The following MITF variants were observed in gnomAD, a reference collection of about 807,000 sequenced individuals.
MITF encodes the protein melanocyte inducing transcription factor.
Under a neutral mutation model 60.5 loss-of-function variants are expected in MITF, and 17 were observed. The ratio of observed to expected loss-of-function variants is 0.28; its 90% CI spans 0.19 to 0.42. The LOEUF (loss-of-function observed/expected upper bound fraction) is 0.42. Among genes scored for constraint, MITF ranks in the 10% least tolerant of loss-of-function variants. The probability of loss-of-function intolerance (pLI) is 1.00; values close to 1 mark genes in which losing one functional copy is unlikely to be tolerated. For synonymous variants in MITF, 260 were observed against 248.5 expected (o/e 1.05, Z -0.43); for missense variants, 622 against 683.5 (o/e 0.91, Z 1.00).
chr3:69,963,372 C>A (rs2066598840), intron 9 of MITF, among the ~76,000 whole-genome samples: 1 of 152,258 alleles, frequency 6.6e-6, no homozygotes, highest in South Asian at 2.1e-4. Flanking sequence ...TATCACTACC[C>A]AAATTTTTTA....
At chr3:69,912,502 A>G (rs191357926) in intron 2 of MITF, among the ~76,000 whole-genome samples, 1 of 152,284 alleles carries the variant, frequency 6.6e-6, no homozygotes, top group Admixed American at 6.5e-5. Flanking sequence ...CCATCACTGT[A>G]TTTGCTTGCA....
chr3:69,842,938 C>T (rs1010650679), intron 1 of MITF, among the ~76,000 whole-genome samples: 5 of 152,144 alleles, frequency 3.3e-5, no homozygotes, highest in Non-Finnish European at 7.4e-5. Flanking sequence ...TGGAGAGTTT[C>T]GGTCCTACCT....
At chr3:69,922,198 T>C (rs1013052163) in intron 2 of MITF, among the ~76,000 whole-genome samples, 25 of 152,178 alleles carry the variant, frequency 1.6e-4, no homozygotes, top group Non-Finnish European at 3.5e-4. Flanking sequence ...TACCACACAA[T>C]ATATAGAGAT....
chr3:69,938,547 A>G, intron 3 of MITF: 1 of 1,413,586 alleles, frequency 7.1e-7, no homozygotes. Context: ...ATAGCACATG[A>G]GACTTTAACG....
At chr3:69,954,994 GACT>G (rs1283979369) in intron 7 of MITF, among the ~76,000 whole-genome samples, 1 of 152,104 alleles carries the variant, frequency 6.6e-6, no homozygotes, top group Non-Finnish European at 1.5e-5. Flanking sequence ...TTATTTGTTT[GACT>G]ACATTAATTA....
At chr3:69,885,999 C>G (rs1234117827) in intron 2 of MITF, among the ~76,000 whole-genome samples, 1 of 152,100 alleles carries the variant, frequency 6.6e-6, no homozygotes, top group Non-Finnish European at 1.5e-5. Context: ...GATGCAGGAA[C>G]TGTCACAGAG....
rs755328856 is a variant in MITF at position 69,959,431 on chromosome 3, T to A, written c.1179+11T>A. On this transcript the variant is annotated intron_variant, in intron 9 of 9. Transcript: ENST00000352241. ...TTGCTCAGAATACAGGTACGCAGCC[T>A]GAGTTGTGTAAAGTTTACTGCTTTT... The A allele has an allele frequency of 6.2e-7, 1 of 1,613,778 alleles. No homozygotes were observed. The highest frequency in any genetic ancestry group is 8.5e-7 in the Non-Finnish European group (1 of 1,179,784).
At chr3:69,802,882 A>C (rs1386694908) in intron 1 of MITF, among the ~76,000 whole-genome samples, 1 of 149,096 alleles carries the variant, frequency 6.7e-6, no homozygotes, top group East Asian at 2.0e-4. Context: ...GTAGAGACGG[A>C]GTTTCTCCCC....
At chr3:69,864,216 G>A (rs2064069774) in intron 1 of MITF, among the ~76,000 whole-genome samples, 1 of 152,178 alleles carries the variant, frequency 6.6e-6, no homozygotes, top group Non-Finnish European at 1.5e-5. Flanking sequence ...CAAAGTCATA[G>A]AATTAGTAAG....
At chr3:69,889,893 C>T (rs2064719460) in intron 2 of MITF, among the ~76,000 whole-genome samples, 1 of 152,112 alleles carries the variant, frequency 6.6e-6, no homozygotes, top group Admixed American at 6.6e-5. Flanking sequence ...TCAGCAGCCA[C>T]ACGTGGTCTT....
intron 2 of MITF, among the ~76,000 whole-genome samples, chr3:69,909,793 A>G (rs2065183518): frequency 1.3e-5 from 2 of 152,208 alleles, no homozygotes; most frequent in Non-Finnish European, 2.9e-5. Context: ...TCAAAAGGTG[A>G]CTTTGGGTGC....
intron 2 of MITF, among the ~76,000 whole-genome samples, chr3:69,930,113 C>A (rs9917798): frequency 0.015 from 2,322 of 152,180 alleles, 25 homozygotes; most frequent in Middle Eastern, 0.051. Flanking sequence ...AGTGGATGAA[C>A]ATGCTGAGCT....
At chr3:69,859,556 G>A (rs1052848992) in intron 1 of MITF, among the ~76,000 whole-genome samples, 3 of 152,080 alleles carry the variant, frequency 2.0e-5, no homozygotes, top group Non-Finnish European at 4.4e-5. Context: ...GTTCATCTCA[G>A]CGGCTGTGAG....
At chr3:69,943,220 C>T (rs1009469297) in intron 5 of MITF, among the ~76,000 whole-genome samples, 18 of 151,520 alleles carry the variant, frequency 1.2e-4, no homozygotes, top group African/African-American at 4.1e-4. Flanking sequence ...TCTTGCATCT[C>T]GTTAGTATTC....
intron 5 of MITF, 127 bp downstream of exon 5, chr3:69,941,458 A>G (rs2065967182): frequency 1.5e-6 from 1 of 654,304 alleles, no homozygotes; most frequent in Admixed American, 2.8e-5. Context: ...TAAAATGGAG[A>G]ATTATCTCAG....
rs2066667114 is a variant in MITF at position 69,965,425 on chromosome 3, A to T, written c.*177A>T. The T allele has an allele frequency of 1.6e-6, 1 of 634,310 alleles. No homozygotes were observed. The highest frequency in any genetic ancestry group is 2.7e-6 in the Non-Finnish European group (1 of 376,698). The allele number at this position is 634,310 out of a possible 1,614,324, so 39.3% of individuals were successfully genotyped here. ...AGAATTTTGTGAAACAGACTTGTATATTCTATTTTACAACTACAAATGCCT... is the reference window on the plus strand; with the variant it reads ...AGAATTTTGTGAAACAGACTTGTATTTTCTATTTTACAACTACAAATGCCT... On this transcript the variant is annotated 3_prime_UTR_variant, in exon 10 of 10. Transcript: ENST00000352241.
At chr3:69,855,808 T>C (rs1575825487) in intron 1 of MITF, among the ~76,000 whole-genome samples, 1 of 152,198 alleles carries the variant, frequency 6.6e-6, no homozygotes, top group East Asian at 1.9e-4. Flanking sequence ...GGTCTTTATA[T>C]ATCGAAGCAT....
intron 1 of MITF, among the ~76,000 whole-genome samples, chr3:69,813,453 A>C (rs2063132289): frequency 6.6e-6 from 1 of 152,162 alleles, no homozygotes; most frequent in South Asian, 2.1e-4. Context: ...GCAAAAGTTT[A>C]AGGATTTTTG....
intron 1 of MITF, among the ~76,000 whole-genome samples, chr3:69,805,385 C>T (rs1347404810): frequency 6.6e-6 from 1 of 152,030 alleles, no homozygotes. Flanking sequence ...GGATTTCTTC[C>T]TTGGGTGGAG....
Sources: gnomAD v4.1 joint callset for allele counts (sites outside exome capture counted in the v4.1 genomes callset) on GRCh38, gnomAD v4.1.1 for gene constraint, MANE v1.5 for transcripts, NCBI Gene and HGNC (gene_info 2026-07-23, HGNC 2026-07-21) for gene names.